KNL1: variants seen among roughly 807,000 people sequenced by gnomAD.
The protein encoded by KNL1 is kinetochore scaffold 1.
A neutral mutation model predicts 201.3 loss-of-function variants in KNL1; 66 were observed. The ratio of observed to expected loss-of-function variants is 0.33; its 90% confidence interval spans 0.27 to 0.40. The LOEUF is 0.40. KNL1 is among the 10% of genes least tolerant of loss of function. The probability of loss-of-function intolerance (pLI) is 1.00; values close to 1 mark genes in which losing one functional copy is unlikely to be tolerated. For synonymous variants in KNL1, 895 were observed against 899.2 expected, an observed-to-expected ratio of 1.00 and a Z score of 0.08; for missense variants, 2,815 against 2,690.5, an observed-to-expected ratio of 1.05 and a Z score of -1.02.
At chr15:40,653,660 C>G (rs945537485) in intron 21 of KNL1, among the ~76,000 whole-genome samples, 3 of 152,204 alleles carry the variant, frequency 2.0e-5, no homozygotes, top group Non-Finnish European at 4.4e-5. Context: ...ACCTATTACT[C>G]TTAGGCTAAT....
At chr15:40,594,661 T>TCCC (rs1437228417) in intron 1 of KNL1, among the ~76,000 whole-genome samples, 2 of 152,244 alleles carry the variant, frequency 1.3e-5, no homozygotes, top group Non-Finnish European at 1.5e-5. Context: ...GGGTTGCTTG[T>TCCC]CCGTCGCTCT....
At chr15:40,605,419 C>T (rs1294058384) in intron 3 of KNL1, among the ~76,000 whole-genome samples, 1 of 152,094 alleles carries the variant, frequency 6.6e-6, no homozygotes, top group Non-Finnish European at 1.5e-5. Flanking sequence ...ACCTGTGGTA[C>T]AAAGCTGTTG....
chr15:40,625,346 A>G lies in KNL1; in HGVS notation c.5082A>G (p.Ser1694=), dbSNP rs1269970595. 1.2e-6 allele frequency: 2 copies of G among 1,614,138 alleles called. No homozygotes were observed. Among genetic ancestry groups the G allele is most frequent in the Non-Finnish European group, 1.7e-6 (2 of 1,179,998 alleles). Residue 1694 remains serine, a synonymous_variant, in exon 10 of 26, where the codon TCA becomes TCG. Transcript: ENST00000399668. ...CTCAGCCGGTCTCTAGCAAAGATTC[A>G]GGCATTGGATCTGTTGCAGGTAAAC... ...LETQPVSSKD[S]GIGSVAGKLN...
chr15:40,648,843 T>G (rs1415834296), intron 17 of KNL1, among the ~76,000 whole-genome samples: 2 of 150,996 alleles, frequency 1.3e-5, no homozygotes, highest in East Asian at 3.9e-4. Context: ...TTTTTTTTTT[T>G]TTTTGAGATG....
chr15:40,663,142 C>A lies in KNL1; in HGVS notation c.*954C>A. 1 of 157,360 alleles carries A rather than the reference C, an allele frequency of 6.4e-6. No homozygotes were observed. The highest frequency in any genetic ancestry group is 1.6e-4 in the East Asian group (1 of 6,308). The allele number at this position is 157,360 out of a possible 1,614,324, so 9.7% of individuals were successfully genotyped here. On this transcript the variant is annotated 3_prime_UTR_variant, in exon 26 of 26. Coordinates refer to ENST00000399668, the MANE Select transcript of KNL1 (RefSeq NM_144508.5). ...TGGCATGATCTCAGCTCACTGCAAG[C>A]TCCGCCTCCTGGGTTCACGCCATTC...
chr15:40,633,057 C>G (rs986983098), intron 13 of KNL1, among the ~76,000 whole-genome samples: 2 of 151,908 alleles, frequency 1.3e-5, no homozygotes, highest in East Asian at 1.9e-4. Context: ...GGCCAGGCAT[C>G]GTGGCTCACA....
intron 13 of KNL1, among the ~76,000 whole-genome samples, chr15:40,638,806 TTC>T (rs1293539423): frequency 6.6e-6 from 1 of 150,470 alleles, no homozygotes; most frequent in Non-Finnish European, 1.5e-5. Context: ...TTTCTTTTTT[TTC>T]TTTCTTTCTT....
chr15:40,621,563 T>C lies in KNL1; in HGVS notation c.1299T>C (p.Cys433=), dbSNP rs35235972. 5.6e-4 allele frequency: 895 copies of C among 1,610,494 alleles called. 5 individuals carry two copies. The African/African-American group carries it at 0.011, about 19-fold the overall frequency. The change falls in exon 10 of 26, where the codon TGT becomes TGC. Residue 433 remains cysteine (C), a synonymous_variant. Transcript: ENST00000399668. ...GTAAGACTGTTTTCTATTCTAGTTG[T>C]AATGATGCCATGGAAATGACCAAAT... ...QGCKTVFYSS[C]NDAMEMTKCL...
chr15:40,611,171 C>T lies in KNL1; in HGVS notation c.251-307C>T, dbSNP rs376178803. On this transcript the variant is annotated intron_variant, in intron 6 of 25. Transcript: ENST00000399668. The stretch of plus-strand genomic sequence containing the variant: ...TCGCCCAGGCTAGAGTGCAGTGGTG[C>T]GATCTCGGCTAACTGCAATCTCTGC... 2.7e-5 allele frequency among the ~76,000 whole-genome samples: 4 copies of T among 150,474 alleles called. No homozygotes were observed. In the East Asian group the frequency reaches 7.8e-4, roughly 29 times the overall value.
chr15:40,628,229 A>G (rs757546202), intron 11 of KNL1, 21 bp downstream of exon 11: 1 of 1,567,976 alleles, frequency 6.4e-7, no homozygotes. Context: ...CATGAAGGCT[A>G]AATAATAGCA....
intron 7 of KNL1, among the ~76,000 whole-genome samples, chr15:40,614,482 C>G (rs145722126): frequency 6.6e-6 from 1 of 152,290 alleles, no homozygotes; most frequent in East Asian, 1.9e-4. Flanking sequence ...ATCTGCCTGC[C>G]TTGGCCTCCC....
intron 14 of KNL1, among the ~76,000 whole-genome samples, chr15:40,642,302 G>A (rs1466278179): frequency 1.3e-5 from 2 of 151,988 alleles, no homozygotes; most frequent in East Asian, 3.9e-4. Flanking sequence ...GGGAGGCTGA[G>A]GCGGGAGAAT....
chr15:40,644,674 A>C (rs1241787836), intron 14 of KNL1, among the ~76,000 whole-genome samples: 1 of 152,230 alleles, frequency 6.6e-6, no homozygotes, highest in African/African-American at 2.4e-5. Context: ...TGGTTTATTG[A>C]GACTAGAGAA....
intron 14 of KNL1, among the ~76,000 whole-genome samples, chr15:40,642,617 T>C (rs1893264345): frequency 6.6e-6 from 1 of 152,012 alleles, no homozygotes; most frequent in Admixed American, 6.6e-5. Context: ...TGAGAATGTT[T>C]GTTTGTTTGT....
chr15:40,623,938 T>C lies in KNL1; in HGVS notation c.3674T>C (p.Leu1225Pro). The C allele has an allele frequency of 6.2e-7, 1 of 1,613,420 alleles. No homozygotes were observed. Among genetic ancestry groups the C allele is most frequent in the South Asian group, 1.1e-5 (1 of 91,070 alleles). ...QALAVGNKIV[L>P]HTEQKQQLFA... ...CTGGCTGTAGGAAACAAAATAGTTC[T>C]TCACACCGAGCAAAAGCAACAACTC... Residue 1225 changes from leucine to proline, a missense_variant, in exon 10 of 26, where the codon CTT (leucine) becomes CCT (proline). Around this residue, in one of 3 missense-constraint regions of KNL1, gnomAD observed 2,464 missense variants for 2,291.7 expected, o/e 1.08. Transcript: ENST00000399668.
intron 16 of KNL1, 120 bp from the exon 17 acceptor site, chr15:40,646,856 CAAAAAAAAAAA>C (rs146834597): frequency 1.1e-5 from 2 of 184,820 alleles, no homozygotes; most frequent in South Asian, 4.4e-5. Context: ...GACTCCGCCT[CAAAAAAAAAAA>C]AAAAAAAAAA....
chr15:40,608,009 C>T (rs1173601319), intron 4 of KNL1, among the ~76,000 whole-genome samples: 3 of 151,900 alleles, frequency 2.0e-5, no homozygotes, highest in African/African-American at 4.8e-5. Context: ...ATGTTCATAG[C>T]GGCATTATTC....
At chr15:40,628,316 G>T (rs1362153214) in intron 11 of KNL1, 108 bp downstream of exon 11, 3 of 1,117,708 alleles carry the variant, frequency 2.7e-6, no homozygotes, top group South Asian at 2.0e-5. Context: ...CCTTTTTGGG[G>T]TTATAAAAAG....
intron 4 of KNL1, among the ~76,000 whole-genome samples, chr15:40,607,091 G>T (rs1030761701): frequency 6.6e-6 from 1 of 152,100 alleles, no homozygotes; most frequent in Non-Finnish European, 1.5e-5. Context: ...GTATAGACAG[G>T]GTCTTGCTAT....
Sources: allele counts gnomAD v4.1 joint callset (sites outside exome capture counted in the v4.1 genomes callset), GRCh38; gene constraint gnomAD v4.1.1; regional missense constraint gnomAD v4.1.1; transcripts MANE v1.5; gene names NCBI Gene and HGNC (gene_info 2026-07-23, HGNC 2026-07-21).